The following ADCY9 variants were observed in gnomAD, a reference collection of about 807,000 sequenced individuals.
ADCY9 encodes adenylate cyclase type 9.
A neutral mutation model predicts 101.5 loss-of-function variants in ADCY9; 50 were observed. That is an observed-to-expected ratio of 0.49 (90% CI 0.39 to 0.62). The LOEUF (loss-of-function observed/expected upper bound fraction) is 0.62, where lower values mean the gene tolerates loss of function less well. Among genes scored for constraint, ADCY9 ranks in the 20% least tolerant of loss-of-function variants. ADCY9 has a pLI of 0.00. For missense variants in ADCY9, 1,662 were observed against 1,800.4 expected (o/e 0.92, Z 1.39); for synonymous variants, 905 against 769.3 (o/e 1.18, Z -2.92).
At chr16:4,001,611 C>T (rs760565119) in intron 3 of ADCY9, among the ~76,000 whole-genome samples, 53 of 152,158 alleles carry the variant, frequency 3.5e-4, no homozygotes, top group Non-Finnish European at 5.6e-4. Context: ...TGCAATGGTG[C>T]AATCTTGGCT....
chr16:4,107,266 C>G (rs927911664), intron 2 of ADCY9, among the ~76,000 whole-genome samples: 5 of 152,020 alleles, frequency 3.3e-5, no homozygotes, highest in Non-Finnish European at 5.9e-5. Flanking sequence ...GAATGCAGGT[C>G]AAGGCTGGGC....
rs550808701 is a variant in ADCY9 at position 4,058,146 on chromosome 16, G to A, written c.1694-50588C>T. Among the ~76,000 whole-genome samples the A allele has an allele frequency of 9.4e-5, 12 of 127,246 alleles. No individual in the cohort carries two copies. The East Asian group carries it at 2.2e-3, about 23-fold the overall frequency. 83.5% of individuals were successfully genotyped at this position (127,246 alleles called of 152,430 possible). A position where few individuals can be genotyped will look rare whatever the true frequency, so the allele number is the denominator to read the frequency against. ...TGCACTCCAGCCTGAGTGACAGAGTGAGACTCTGTCTAAAAAAAAAAAAAA... is the reference window on the plus strand; with the variant it reads ...TGCACTCCAGCCTGAGTGACAGAGTAAGACTCTGTCTAAAAAAAAAAAAAA... On this transcript the variant is annotated intron_variant, in intron 2 of 10. Coordinates refer to ENST00000294016, the MANE Select transcript of ADCY9 (RefSeq NM_001116.4).
intron 3 of ADCY9, among the ~76,000 whole-genome samples, chr16:4,005,611 A>G (rs2056361864): frequency 6.6e-6 from 1 of 152,214 alleles, no homozygotes; most frequent in Non-Finnish European, 1.5e-5. Context: ...AAGATACGCT[A>G]AATGGTTTTT....
chr16:4,089,053 T>C (rs1379269427), intron 2 of ADCY9, among the ~76,000 whole-genome samples: 1 of 152,050 alleles, frequency 6.6e-6, no homozygotes, highest in Non-Finnish European at 1.5e-5. Flanking sequence ...GTTCTAGAGT[T>C]CCTAGAAATG....
intron 2 of ADCY9, among the ~76,000 whole-genome samples, chr16:4,027,375 A>T (rs2056523051): frequency 6.6e-6 from 1 of 152,234 alleles, no homozygotes; most frequent in South Asian, 2.1e-4. Flanking sequence ...ACACCCATAA[A>T]GGGTGTATTA....
chr16:4,072,263 G>A (rs760463792), intron 2 of ADCY9, among the ~76,000 whole-genome samples: 1 of 152,222 alleles, frequency 6.6e-6, no homozygotes, highest in African/African-American at 2.4e-5. Context: ...AGTGGACTGT[G>A]GAGGCTGAAG....
intron 2 of ADCY9, among the ~76,000 whole-genome samples, chr16:4,065,171 C>G (rs2056793774): frequency 6.6e-6 from 1 of 152,198 alleles, no homozygotes; most frequent in African/African-American, 2.4e-5. Context: ...GTCGTTTGCA[C>G]AGTAATTCAC....
intron 2 of ADCY9, among the ~76,000 whole-genome samples, chr16:4,079,442 G>A (rs935942756): frequency 4.6e-5 from 7 of 152,090 alleles, no homozygotes; most frequent in East Asian, 3.9e-4. Context: ...GGTGGCGGAC[G>A]CCTGTAGTCC....
chr16:4,102,316 C>A (rs561058792), intron 2 of ADCY9, among the ~76,000 whole-genome samples: 1 of 152,212 alleles, frequency 6.6e-6, no homozygotes, highest in Non-Finnish European at 1.5e-5. Flanking sequence ...ACCATACAAC[C>A]GAGAATTAAG....
intron 2 of ADCY9, among the ~76,000 whole-genome samples, chr16:4,109,536 G>A (rs1015544080): frequency 6.6e-6 from 1 of 152,140 alleles, no homozygotes; most frequent in Admixed American, 6.5e-5. Context: ...TCATACCATA[G>A]CAACTTCAAA....
At chr16:3,956,032 T>C (rs2055904623) in intron 5 of ADCY9, among the ~76,000 whole-genome samples, 1 of 152,010 alleles carries the variant, frequency 6.6e-6, no homozygotes, top group Admixed American at 6.6e-5. Context: ...CTGGCTAATT[T>C]TGAAAAATTT....
intron 2 of ADCY9, among the ~76,000 whole-genome samples, chr16:4,082,956 T>C (rs1234001293): frequency 6.6e-6 from 1 of 152,186 alleles, no homozygotes; most frequent in Admixed American, 6.5e-5. Context: ...GAAAAGCCCC[T>C]CTTCTTTACT....
intron 3 of ADCY9, 24 bp downstream of exon 3, chr16:4,007,344 G>GAAA: frequency 2.3e-6 from 3 of 1,320,308 alleles, no homozygotes; most frequent in Non-Finnish European, 1.0e-6. Context: ...TTAGAAGTAG[G>GAAA]AAAAAAAAAA....
chr16:3,980,657 C>T (rs79783035), intron 7 of ADCY9, among the ~76,000 whole-genome samples: 7,572 of 152,342 alleles, frequency 0.05, 259 homozygotes, highest in Admixed American at 0.083. Context: ...CCATTCCCCA[C>T]ATGGACGCAG....
intron 8 of ADCY9, among the ~76,000 whole-genome samples, chr16:3,978,580 TC>T (rs1344158316): frequency 1.3e-5 from 2 of 152,200 alleles, no homozygotes; most frequent in Non-Finnish European, 2.9e-5. Flanking sequence ...TGGCAGGGAC[TC>T]GTGCCCACCG....
chr16:4,059,687 T>C (rs935834597), intron 2 of ADCY9, among the ~76,000 whole-genome samples: 2 of 151,824 alleles, frequency 1.3e-5, no homozygotes, highest in Non-Finnish European at 2.9e-5. Flanking sequence ...TGCTTGAGGC[T>C]GGGAGTCAGA....
intron 2 of ADCY9, among the ~76,000 whole-genome samples, chr16:4,072,718 G>C (rs1415371540): frequency 1.3e-5 from 2 of 152,104 alleles, no homozygotes; most frequent in African/African-American, 4.8e-5. Flanking sequence ...TCAAAGCACA[G>C]ATCCAAGAAG....
Position 4,019,227 on chromosome 16 carries a change from C to T in ADCY9, c.1694-11669G>A, listed in dbSNP as rs572712486. Among the ~76,000 whole-genome samples the T allele has an allele frequency of 1.4e-4, 21 of 152,200 alleles. 1 individual carries two copies. The highest frequency in any genetic ancestry group is 8.3e-4 in the South Asian group (4 of 4,824). ...GAACTCCTGGCCTGAAGTGATCCTC[C>T]GGCCTCAGCCTGCCAAAGTGCTGGA... is the stretch of plus-strand genomic sequence containing the variant. On this transcript the variant is annotated intron_variant, in intron 2 of 10. Coordinates refer to ENST00000294016, the MANE Select transcript of ADCY9 (RefSeq NM_001116.4).
chr16:4,039,531 T>C (rs1409099070), intron 2 of ADCY9, among the ~76,000 whole-genome samples: 1 of 151,420 alleles, frequency 6.6e-6, no homozygotes, highest in African/African-American at 2.4e-5. Flanking sequence ...ATACAAAAAT[T>C]AGCCAGGCAC....
Sources: gnomAD v4.1 joint callset for allele counts (sites outside exome capture counted in the v4.1 genomes callset) on GRCh38, gnomAD v4.1.1 for gene constraint, MANE v1.5 for transcripts, NCBI Gene and HGNC (gene_info 2026-07-23, HGNC 2026-07-21) for gene names.